Variants in ACTN4 observed in about 807,000 individuals in gnomAD.
ACTN4 encodes alpha-actinin-4.
In ACTN4, 18 loss-of-function variants were observed where a neutral mutation model predicts 114.2. The observed-to-expected ratio is 0.16, with a 90% CI of 0.11 to 0.23. ACTN4 has a LOEUF of 0.23. Among genes scored for constraint, ACTN4 ranks in the 10% least tolerant of loss-of-function variants. ACTN4 has a pLI of 1.00. For synonymous variants in ACTN4, 515 were observed against 506.3 expected, an observed-to-expected ratio of 1.02 and a Z score of -0.23; for missense variants, 722 against 1,262.9, an observed-to-expected ratio of 0.57 and a Z score of 6.49.
intron 1 of ACTN4, among the ~76,000 whole-genome samples, chr19:38,663,712 G>C (rs1483816342): frequency 2.6e-5 from 4 of 152,190 alleles, no homozygotes; most frequent in African/African-American, 7.2e-5. Context: ...ATCGTCTTCG[G>C]GGAGCTGCTG....
At position 38,720,483 on chromosome 19, in the gene ACTN4, G is replaced by A. The variant is rs546682745; in HGVS notation, c.1292-1055G>A. 3.1e-3 allele frequency among the ~76,000 whole-genome samples: 471 copies of A among 152,348 alleles called. 4 individuals carry two copies. The highest frequency in any genetic ancestry group is 0.011 in the African/African-American group (456 of 41,586). On this transcript the variant is annotated intron_variant, in intron 11 of 20. Transcript: ENST00000252699. Reference sequence around the variant, plus strand: ...GCTGAGCCTCCTGCCCCAGGGCTGCGCAGCAGGGCCGGTGGAGCCAGAGTC... The same window carrying A: ...GCTGAGCCTCCTGCCCCAGGGCTGCACAGCAGGGCCGGTGGAGCCAGAGTC...
At chr19:38,698,445 C>G (rs1157339682) in intron 1 of ACTN4, among the ~76,000 whole-genome samples, 1 of 152,166 alleles carries the variant, frequency 6.6e-6, no homozygotes, top group Non-Finnish European at 1.5e-5. Flanking sequence ...TGGCTCCCCT[C>G]CCCTCAAGGA....
chr19:38,720,626 C>T (rs1969007330), intron 11 of ACTN4, among the ~76,000 whole-genome samples: 1 of 152,350 alleles, frequency 6.6e-6, no homozygotes, highest in East Asian at 1.9e-4. Context: ...GGCTCCATGC[C>T]TGCTGTGCTC....
At chr19:38,690,083 T>C (rs1159800441) in intron 1 of ACTN4, among the ~76,000 whole-genome samples, 1 of 152,222 alleles carries the variant, frequency 6.6e-6, no homozygotes, top group Non-Finnish European at 1.5e-5. Flanking sequence ...ATCTATCATC[T>C]GAGAGCACAG....
At chr19:38,677,887 C>T (rs922321921) in intron 1 of ACTN4, among the ~76,000 whole-genome samples, 13 of 152,164 alleles carry the variant, frequency 8.5e-5, no homozygotes, top group African/African-American at 1.7e-4. Context: ...CCACCATACC[C>T]GGCTAATTTT....
rs112203859 is a variant in ACTN4, at chr19:38,731,572, T to TA, written c.*2141dup. On this transcript the variant is annotated 3_prime_UTR_variant, in exon 21 of 21. Coordinates refer to ENST00000252699, the MANE Select transcript of ACTN4 (RefSeq NM_004924.6). ...GGATATTTCTGTGCAGCAAAAAATA[T>TA]AGTCAATCCCATATGGAGTCAGTTT... The TA allele has an allele frequency of 5.7e-3, 1,960 of 343,572 alleles. 44 individuals carry two copies. The highest frequency in any genetic ancestry group is 0.045 in the East Asian group (750 of 16,814). 21.3% of individuals were successfully genotyped at this position (343,572 alleles called of 1,614,324 possible). A position where few individuals can be genotyped will look rare whatever the true frequency, so the allele number is the denominator to read the frequency against.
intron 8 of ACTN4, among the ~76,000 whole-genome samples, chr19:38,711,856 C>T (rs1829287813): frequency 6.6e-6 from 1 of 152,210 alleles, no homozygotes; most frequent in African/African-American, 2.4e-5. Context: ...CTCCAGAGGC[C>T]AGGCAGAGCC....
chr19:38,730,813 A>G lies in ACTN4; in HGVS notation c.*1381A>G. ...GCCTAGGGAGGTGGTCTTGCTCAGCAACCCTGCCCTGAGCAGCAGGTGCGC... is the reference window on the plus strand; with the variant it reads ...GCCTAGGGAGGTGGTCTTGCTCAGCGACCCTGCCCTGAGCAGCAGGTGCGC... On this transcript the variant is annotated 3_prime_UTR_variant, in exon 21 of 21. Coordinates refer to ENST00000252699, the MANE Select transcript of ACTN4 (RefSeq NM_004924.6). 6.5e-7 allele frequency: 1 copy of G among 1,550,004 alleles called. No homozygotes were observed. Among genetic ancestry groups the G allele is most frequent in the Non-Finnish European group, 8.7e-7 (1 of 1,146,770 alleles).
At chr19:38,653,121 C>T (rs888229560) in intron 1 of ACTN4, among the ~76,000 whole-genome samples, 1 of 150,716 alleles carries the variant, frequency 6.6e-6, no homozygotes, top group Admixed American at 6.6e-5. Context: ...CAGAGGGGAG[C>T]GGGGACAAGT....
intron 1 of ACTN4, among the ~76,000 whole-genome samples, chr19:38,686,785 T>G (rs928833155): frequency 6.6e-6 from 1 of 152,004 alleles, no homozygotes; most frequent in Admixed American, 6.6e-5. Context: ...TGGTTTGGGT[T>G]GGTTGGTTGG....
intron 1 of ACTN4, among the ~76,000 whole-genome samples, chr19:38,648,812 T>C (rs532031778): frequency 6.6e-6 from 1 of 151,402 alleles, no homozygotes; most frequent in East Asian, 1.9e-4. Context: ...TTCTAAAGAA[T>C]TGATGGGAAG....
rs2145120287 is a variant in ACTN4, at chr19:38,729,645, G to A, written c.*213G>A. 1.3e-6 allele frequency: 1 copy of A among 741,930 alleles called. No individual in the cohort carries two copies. The highest frequency in any genetic ancestry group is 2.8e-4 in the Middle Eastern group (1 of 3,598). 46.0% of individuals were successfully genotyped at this position (741,930 alleles called of 1,614,324 possible). ...CCCCGACCAGGTTGGGGAGACTTGG[G>A]GCCAGCGCTTCTGGTCTGGTAAATA... On this transcript the variant is annotated 3_prime_UTR_variant, in exon 21 of 21. Transcript: ENST00000252699.
intron 1 of ACTN4, among the ~76,000 whole-genome samples, chr19:38,681,153 A>AG (rs1967560469): frequency 6.8e-6 from 1 of 146,990 alleles, no homozygotes; most frequent in Non-Finnish European, 1.5e-5. Context: ...AAAAAAAAAA[A>AG]GCAGATTCTA....
chr19:38,656,657 C>T (rs887299262), intron 1 of ACTN4, among the ~76,000 whole-genome samples: 5 of 152,194 alleles, frequency 3.3e-5, no homozygotes, highest in Non-Finnish European at 7.3e-5. Context: ...TGGGAAATAT[C>T]GTGGATGGTG....
chr19:38,717,855 A>G lies in ACTN4; in HGVS notation c.1144-72A>G. 2 of 1,545,490 alleles carry G rather than the reference A, an allele frequency of 1.3e-6. No homozygotes were observed. Among genetic ancestry groups the G allele is most frequent in the Admixed American group, 2.0e-5 (1 of 51,114 alleles). ...CAAGTTCTGCCACCTTCCCATCAGC[A>G]TCCCTTGGAGACATCCCCCTGGGTG... On this transcript the variant is annotated intron_variant, in intron 10 of 20. Coordinates refer to ENST00000252699, the MANE Select transcript of ACTN4 (RefSeq NM_004924.6). This position sits in a 1 kb window ranked among gnomAD's most constrained non-coding sequence, Gnocchi z 4.0.
intron 1 of ACTN4, among the ~76,000 whole-genome samples, chr19:38,683,116 C>G (rs1967629215): frequency 1.3e-5 from 2 of 152,192 alleles, no homozygotes; most frequent in South Asian, 4.1e-4. Context: ...GGGAGAGGCT[C>G]AGAGCAGTGA....
At chr19:38,679,158 T>C (rs569212021) in intron 1 of ACTN4, among the ~76,000 whole-genome samples, 2 of 152,364 alleles carry the variant, frequency 1.3e-5, no homozygotes, top group East Asian at 3.9e-4. Flanking sequence ...GCTATTGGCC[T>C]GGGCGCAGTT....
At chr19:38,657,295 A>G (rs757418969) in intron 1 of ACTN4, among the ~76,000 whole-genome samples, 3 of 152,096 alleles carry the variant, frequency 2.0e-5, no homozygotes, top group Non-Finnish European at 2.9e-5. Context: ...GGCGCGCGCC[A>G]CGACGCCCAG....
At chr19:38,675,881 C>T (rs754099292) in intron 1 of ACTN4, among the ~76,000 whole-genome samples, 5 of 152,132 alleles carry the variant, frequency 3.3e-5, no homozygotes, top group East Asian at 1.9e-4. Flanking sequence ...AGAGGCTGCC[C>T]GCAGCTCTCG....
Sources: allele counts gnomAD v4.1 joint callset (sites outside exome capture counted in the v4.1 genomes callset), GRCh38; gene constraint gnomAD v4.1.1; non-coding constraint Gnocchi (gnomAD v3.1); transcripts MANE v1.5; gene names NCBI Gene and HGNC (gene_info 2026-07-23, HGNC 2026-07-21).